Variants in ATP8A2 observed in about 807,000 individuals in gnomAD.
ATP8A2 encodes the protein ATPase phospholipid transporting 8A2, also known as phospholipid-transporting ATPase IB.
A neutral mutation model predicts 165.6 loss-of-function variants in ATP8A2; 100 were observed. That is an observed-to-expected ratio of 0.60 (90% CI 0.51 to 0.71). The LOEUF is 0.71. Among genes scored for constraint, ATP8A2 ranks in the 30% least tolerant of loss-of-function variants. The pLI is 0.00. For missense variants in ATP8A2, 1,227 were observed against 1,479.5 expected (o/e 0.83, Z 2.80); for synonymous variants, 543 against 548.8 (o/e 0.99, Z 0.15).
chr13:25,818,380 A>C (rs976322765), intron 27 of ATP8A2, among the ~76,000 whole-genome samples: 1 of 152,218 alleles, frequency 6.6e-6, no homozygotes, highest in South Asian at 2.1e-4. Flanking sequence ...GTTAGTAGCC[A>C]TAAATACTGA....
At chr13:25,866,640 A>G (rs932940900) in intron 33 of ATP8A2, among the ~76,000 whole-genome samples, 1 of 152,150 alleles carries the variant, frequency 6.6e-6, no homozygotes, top group Non-Finnish European at 1.5e-5. Context: ...GCACACACAC[A>G]GAGAGACACA....
At chr13:25,916,356 G>T (rs913427405) in intron 33 of ATP8A2, among the ~76,000 whole-genome samples, 6 of 152,212 alleles carry the variant, frequency 3.9e-5, no homozygotes, top group African/African-American at 1.2e-4. Context: ...GACGGTACCA[G>T]CCTTCCTTTT....
intron 35 of ATP8A2, among the ~76,000 whole-genome samples, chr13:25,987,499 G>A (rs993179444): frequency 1.3e-5 from 2 of 152,212 alleles, no homozygotes; most frequent in African/African-American, 2.4e-5. Context: ...TCCATGTGCT[G>A]ATCAGTTTTA....
chr13:25,856,142 A>T (rs1055865361), intron 30 of ATP8A2, among the ~76,000 whole-genome samples: 1 of 152,172 alleles, frequency 6.6e-6, no homozygotes, highest in Admixed American at 6.5e-5. Context: ...AAGAGTTTCT[A>T]ATTTTGAAGA....
chr13:25,817,539 G>A lies in ATP8A2; in HGVS notation c.2680-10579G>A, dbSNP rs1287309282. Among the ~76,000 whole-genome samples the A allele has an allele frequency of 8.5e-5, 13 of 152,110 alleles. 1 individual carries two copies. The highest frequency in any genetic ancestry group is 2.9e-5 in the Non-Finnish European group (2 of 68,030). ...TATAAGATTCAACTTTCTTGCGTTA[G>A]TTGGGATTTTAACGGAAAAGAAAAT... is the stretch of plus-strand genomic sequence containing the variant. On this transcript the variant is annotated intron_variant, in intron 27 of 36. Transcript: ENST00000381655.
Position 25,927,067 on chromosome 13 carries a change from T to C in ATP8A2, c.3184-34508T>C, listed in dbSNP as rs115051756. ...GTGATTGTTTTGTGTTTGATTTGCC[T>C]CCTACCCAGTCTTCATTCATTCACC... On this transcript the variant is annotated intron_variant, in intron 33 of 36. Coordinates refer to ENST00000381655, the MANE Select transcript of ATP8A2 (RefSeq NM_016529.6). 2,601 of 450,380 alleles carry C rather than the reference T, an allele frequency of 5.8e-3. 61 individuals are homozygous for C. The highest frequency in any genetic ancestry group is 0.048 in the African/African-American group (2,408 of 50,070). 27.9% of individuals were successfully genotyped at this position (450,380 alleles called of 1,614,324 possible). A position where few individuals can be genotyped will look rare whatever the true frequency, so the allele number is the denominator to read the frequency against.
chr13:25,446,917 G>A (rs577790845), intron 1 of ATP8A2, among the ~76,000 whole-genome samples: 7 of 151,958 alleles, frequency 4.6e-5, no homozygotes, highest in Admixed American at 1.3e-4. Flanking sequence ...GTGCAATGGC[G>A]CAACCATGGC....
chr13:25,600,940 G>A (rs77438567), intron 24 of ATP8A2, among the ~76,000 whole-genome samples: 17 of 152,334 alleles, frequency 1.1e-4, no homozygotes, highest in African/African-American at 3.6e-4. Context: ...AAGATCGCAC[G>A]GATGTGGTCT....
intron 24 of ATP8A2, among the ~76,000 whole-genome samples, chr13:25,665,274 A>C (rs931633332): frequency 1.3e-5 from 2 of 152,158 alleles, no homozygotes; most frequent in African/African-American, 4.8e-5. Flanking sequence ...CAGATTATTC[A>C]ACTTTTTTGA....
chr13:25,934,231 G>A (rs1954831288), intron 33 of ATP8A2, among the ~76,000 whole-genome samples: 1 of 152,168 alleles, frequency 6.6e-6, no homozygotes, highest in South Asian at 2.1e-4. Context: ...AGTATGTACG[G>A]GTAGGCTGTG....
intron 25 of ATP8A2, 26 bp downstream of exon 25, chr13:25,699,371 T>A: frequency 6.4e-7 from 1 of 1,556,202 alleles, no homozygotes; most frequent in Non-Finnish European, 8.7e-7. Context: ...CTGTGCACAG[T>A]TCACACTCTG....
At position 26,021,057 on chromosome 13, in the gene ATP8A2, G is replaced by A. The variant is rs1465987567; in HGVS notation, c.*1072G>A. 1 of 152,248 alleles carries A rather than the reference G, an allele frequency of 6.6e-6. No homozygotes were observed. Among genetic ancestry groups the A allele is most frequent in the Non-Finnish European group, 1.5e-5 (1 of 68,070 alleles). 9.4% of individuals were successfully genotyped at this position (152,248 alleles called of 1,614,324 possible). On this transcript the variant is annotated 3_prime_UTR_variant, in exon 37 of 37. Transcript: ENST00000381655. ...GCACATTTTGGACTTTCACTGTTGG[G>A]AAATGAATGAATTTATAACATGCCT... is the stretch of plus-strand genomic sequence containing the variant.
At chr13:25,541,583 C>T (rs1439779501) in intron 8 of ATP8A2, among the ~76,000 whole-genome samples, 2 of 152,192 alleles carry the variant, frequency 1.3e-5, no homozygotes, top group Non-Finnish European at 2.9e-5. Context: ...TCTATTCTAT[C>T]TTTATGACCA....
chr13:25,434,258 A>G (rs2034692626), intron 1 of ATP8A2, among the ~76,000 whole-genome samples: 1 of 152,178 alleles, frequency 6.6e-6, no homozygotes, highest in South Asian at 2.1e-4. Flanking sequence ...ACAGTTTGTC[A>G]TTTATTCAGG....
chr13:25,867,989 CTG>C, intron 33 of ATP8A2: 1 of 339,022 alleles, frequency 2.9e-6, no homozygotes, highest in East Asian at 8.5e-5. Flanking sequence ...TGTTGAGACA[CTG>C]TATGAAGCCA....
intron 1 of ATP8A2, among the ~76,000 whole-genome samples, chr13:25,420,308 G>A (rs1224945019): frequency 6.6e-6 from 1 of 152,216 alleles, no homozygotes; most frequent in African/African-American, 2.4e-5. Flanking sequence ...CAGACAGGAA[G>A]GTGGCACAGC....
At chr13:25,480,166 G>T (rs2036126397) in intron 2 of ATP8A2, among the ~76,000 whole-genome samples, 1 of 144,402 alleles carries the variant, frequency 6.9e-6, no homozygotes, top group African/African-American at 2.6e-5. Flanking sequence ...GCCGGGTGGG[G>T]GGCTGACCCC....
chr13:25,830,862 T>C (rs908142577), intron 28 of ATP8A2, among the ~76,000 whole-genome samples: 99 of 152,330 alleles, frequency 6.5e-4, no homozygotes, highest in Non-Finnish European at 8.1e-4. Flanking sequence ...TAGTCAATAG[T>C]AGCAAGAGCT....
chr13:25,670,127 A>G (rs1024786108), intron 24 of ATP8A2, among the ~76,000 whole-genome samples: 1 of 151,644 alleles, frequency 6.6e-6, no homozygotes, highest in African/African-American at 2.4e-5. Context: ...TTTTTAATTA[A>G]CTCCTAGAGT....
Sources: gnomAD v4.1 joint callset for allele counts (sites outside exome capture counted in the v4.1 genomes callset) on GRCh38, gnomAD v4.1.1 for gene constraint, MANE v1.5 for transcripts, NCBI Gene and HGNC (gene_info 2026-07-23, HGNC 2026-07-21) for gene names.